The following XCR1 variants were observed in gnomAD, a reference collection of about 807,000 sequenced individuals.
XCR1 encodes chemokine XC receptor 1.
For missense variants in XCR1, 356 were observed against 424.2 expected (o/e 0.84, Z 1.41); for synonymous variants, 187 against 188.5 (o/e 0.99, Z 0.06).
chr3:46,025,988 A>C (rs1418562049), intron 1 of XCR1, among the ~76,000 whole-genome samples: 1 of 152,232 alleles, frequency 6.6e-6, no homozygotes, highest in Non-Finnish European at 1.5e-5. Flanking sequence ...GACCAAGTTG[A>C]GTTTATCCCA....
At chr3:46,023,537 A>T (rs1362652649) in intron 1 of XCR1, 2 of 1,553,686 alleles carry the variant, frequency 1.3e-6, no homozygotes, top group Non-Finnish European at 1.8e-6. Flanking sequence ...GCCCAGCGTG[A>T]GGAAAGATTG....
At chr3:46,046,458 G>T (rs1219165719) in intron 5 of XCR1, among the ~76,000 whole-genome samples, 2 of 152,336 alleles carry the variant, frequency 1.3e-5, no homozygotes, top group Non-Finnish European at 2.9e-5. Flanking sequence ...AAACCATCTG[G>T]CAGTGAGAGC....
chr3:46,055,976 C>T, intron 4 of XCR1, among the ~76,000 whole-genome samples: 1 of 152,206 alleles, frequency 6.6e-6, no homozygotes, highest in South Asian at 2.1e-4. Context: ...GGATTCAGTC[C>T]AACTTGTCTG....
chr3:46,072,475 G>A (rs1357586718), intron 3 of XCR1, among the ~76,000 whole-genome samples: 1 of 152,170 alleles, frequency 6.6e-6, no homozygotes, highest in East Asian at 1.9e-4. Flanking sequence ...ATGTACTCCA[G>A]CTTGGGTGGC....
intron 3 of XCR1, among the ~76,000 whole-genome samples, chr3:46,073,242 T>G (rs1037960063): frequency 6.6e-6 from 1 of 152,120 alleles, no homozygotes; most frequent in Non-Finnish European, 1.5e-5. Context: ...AAAGTACATA[T>G]GACAAAGACA....
intron 4 of XCR1, among the ~76,000 whole-genome samples, chr3:46,062,729 A>G (rs1035373788): frequency 1.3e-5 from 2 of 152,230 alleles, no homozygotes; most frequent in African/African-American, 2.4e-5. Context: ...AACATGGGCC[A>G]TCCTTTCCCC....
At chr3:46,063,808 T>C (rs1395309736) in intron 4 of XCR1, among the ~76,000 whole-genome samples, 1 of 152,248 alleles carries the variant, frequency 6.6e-6, no homozygotes, top group Non-Finnish European at 1.5e-5. Context: ...ATCCTCTTTG[T>C]TGATTGTACC....
At position 46,021,563 on chromosome 3, in the gene XCR1, G is replaced by A; in HGVS notation, c.385C>T (p.Leu129=). 1 of 1,611,050 alleles carries A rather than the reference G, an allele frequency of 6.2e-7. No individual in the cohort carries two copies. The highest frequency in any genetic ancestry group is 8.5e-7 in the Non-Finnish European group (1 of 1,178,422). The stretch of plus-strand genomic sequence containing the variant: ...GTGGAGAGGGGGCTCACTACCGACA[G>A]GTAGCGGTGGATGGTCATGATGGTC... ...FLTIMTIHRY[L]SVVSPLSTLR... is the part of the protein sequence containing the mutation. The change falls in exon 2 of 2, where the codon CTG becomes TTG. Residue 129 remains leucine, a synonymous_variant. Coordinates refer to ENST00000309285, the MANE Select transcript of XCR1 (RefSeq NM_001024644.2). This position sits in a 1 kb window ranked among gnomAD's most constrained non-coding sequence, Gnocchi z 4.7.
At chr3:46,076,580 A>G (rs765133200) in intron 2 of XCR1, among the ~76,000 whole-genome samples, 6,668 of 96,732 alleles carry the variant, frequency 0.069, 198 homozygotes, top group African/African-American at 0.14. Flanking sequence ...TTATTTTGAA[A>G]AAAAAAAAAA....
intron 5 of XCR1, among the ~76,000 whole-genome samples, chr3:46,043,502 TC>T: frequency 6.6e-6 from 1 of 151,560 alleles, no homozygotes; most frequent in East Asian, 2.0e-4. Flanking sequence ...CATGATAAAG[TC>T]CATATATGAA....
At chr3:46,047,383 G>A (rs1272439096) in intron 5 of XCR1, among the ~76,000 whole-genome samples, 6 of 152,198 alleles carry the variant, frequency 3.9e-5, no homozygotes, top group Non-Finnish European at 7.3e-5. Context: ...GAGATACTAC[G>A]TGTTTGCAAT....
intron 3 of XCR1, among the ~76,000 whole-genome samples, chr3:46,067,211 C>A (rs1284616554): frequency 6.6e-6 from 1 of 152,150 alleles, no homozygotes; most frequent in African/African-American, 2.4e-5. Context: ...ATGTGAGGGG[C>A]AGGCTCTGAG....
intron 4 of XCR1, among the ~76,000 whole-genome samples, chr3:46,057,613 A>G (rs1697875081): frequency 6.6e-6 from 1 of 152,148 alleles, no homozygotes; most frequent in African/African-American, 2.4e-5. Context: ...AACATCTACA[A>G]TCGGTTTACT....
At chr3:46,066,598 G>A (rs1351632405) in intron 4 of XCR1, among the ~76,000 whole-genome samples, 1 of 152,108 alleles carries the variant, frequency 6.6e-6, no homozygotes, top group Non-Finnish European at 1.5e-5. Flanking sequence ...TGAGGCTCCT[G>A]GCATATATAG....
chr3:46,031,980 C>T (rs781507282), upstream of XCR1, among the ~76,000 whole-genome samples: 3 of 152,184 alleles, frequency 2.0e-5, no homozygotes, highest in African/African-American at 7.2e-5. Flanking sequence ...ATTGGGACAC[C>T]CTGGCTGCAG....
intron 4 of XCR1, among the ~76,000 whole-genome samples, chr3:46,062,632 T>A (rs1287577493): frequency 6.6e-6 from 1 of 152,264 alleles, no homozygotes; most frequent in East Asian, 1.9e-4. Context: ...CCCCAATAGT[T>A]CTCTTGTATC....
In XCR1 at chr3:46,020,085, G is replaced by C. The variant is rs1028675169; in HGVS notation, c.*861C>G. ...ACTTTAGGTACAAAGTGATAAATGT[G>C]AAGTCAGCTCACTATCCACCTGGGA... On this transcript the variant is annotated 3_prime_UTR_variant, in exon 2 of 2. Coordinates refer to ENST00000309285, the MANE Select transcript of XCR1 (RefSeq NM_001024644.2). 2.0e-5 allele frequency: 3 copies of C among 152,232 alleles called. No individual in the cohort carries two copies. Among genetic ancestry groups the C allele is most frequent in the African/African-American group, 7.2e-5 (3 of 41,458 alleles). 9.4% of individuals were successfully genotyped at this position (152,232 alleles called of 1,614,324 possible).
chr3:46,022,167 G>C (rs375700085), intron 1 of XCR1, 189 bp from the exon 2 acceptor site: 2 of 517,066 alleles, frequency 3.9e-6, no homozygotes, highest in African/African-American at 3.8e-5. Flanking sequence ...CGGGTGTGGT[G>C]GCGCATGCCT....
At chr3:46,023,350 G>T (rs1708206186) in intron 1 of XCR1, 2 of 1,363,218 alleles carry the variant, frequency 1.5e-6, no homozygotes, top group African/African-American at 2.9e-5. Flanking sequence ...CAGACGAGCC[G>T]ACCGTTTATT....
Sources: gnomAD v4.1 joint callset for allele counts (sites outside exome capture counted in the v4.1 genomes callset) on GRCh38, gnomAD v4.1.1 for gene constraint, Gnocchi (gnomAD v3.1) non-coding constraint, MANE v1.5 for transcripts, NCBI Gene and HGNC (gene_info 2026-07-23, HGNC 2026-07-21) for gene names.